Variants in ATRNL1 observed in about 807,000 individuals in gnomAD.
The protein encoded by ATRNL1 is attractin-like protein 1.
Under a neutral mutation model 182.7 loss-of-function variants are expected in ATRNL1, and 95 were observed. The observed-to-expected ratio is 0.52, with a 90% CI of 0.44 to 0.62. ATRNL1 has a LOEUF of 0.62. ATRNL1 is among the 20% of genes least tolerant of loss of function. ATRNL1 has a pLI of 0.00. For missense variants in ATRNL1, 1,471 were observed against 1,679.5 expected (o/e 0.88, Z 2.17); for synonymous variants, 576 against 568.3 (o/e 1.01, Z -0.19).
chr10:115,148,167 G>A (rs1846054164), intron 5 of ATRNL1, among the ~76,000 whole-genome samples: 2 of 152,008 alleles, frequency 1.3e-5, no homozygotes, highest in South Asian at 2.1e-4. Context: ...TTGTCCACAT[G>A]CTTGGTTAAA....
chr10:115,789,070 C>T (rs1949465053), intron 27 of ATRNL1, among the ~76,000 whole-genome samples: 1 of 152,190 alleles, frequency 6.6e-6, no homozygotes, highest in East Asian at 1.9e-4. Flanking sequence ...TCAACTGCAT[C>T]TGACCAGTTC....
At chr10:115,553,060 C>G (rs1853091907) in intron 26 of ATRNL1, among the ~76,000 whole-genome samples, 1 of 151,172 alleles carries the variant, frequency 6.6e-6, no homozygotes, top group South Asian at 2.1e-4. Flanking sequence ...GCTTGATAAT[C>G]TTCATTCTTA....
At chr10:115,602,382 T>A (rs1592930932) in intron 26 of ATRNL1, among the ~76,000 whole-genome samples, 1 of 152,160 alleles carries the variant, frequency 6.6e-6, no homozygotes, top group East Asian at 1.9e-4. Flanking sequence ...AAAGGAAAAC[T>A]GTTTCTTTAC....
chr10:115,847,896 C>T lies in ATRNL1; in HGVS notation c.3923C>T (p.Ala1308Val). ...GPLEGAPKPI[A>V]IEPCAGNRAA... Reference sequence around the variant, plus strand: ...TTTCAGGGGGCACCCAAGCCAATTGCCATTGAACCATGTGCTGGGAACAGA... The same window carrying T: ...TTTCAGGGGGCACCCAAGCCAATTGTCATTGAACCATGTGCTGGGAACAGA... The change falls in exon 28 of 29, where the codon GCC becomes GTC. Residue 1308 changes from alanine to valine, a missense_variant. Around this residue, in one of 3 missense-constraint regions of ATRNL1, gnomAD observed 437 missense variants for 506.0 expected, o/e 0.86. Coordinates refer to ENST00000355044, the MANE Select transcript of ATRNL1 (RefSeq NM_207303.4). 2 of 1,610,744 alleles carry T rather than the reference C, an allele frequency of 1.2e-6. No individual in the cohort carries two copies. The highest frequency in any genetic ancestry group is 1.7e-6 in the Non-Finnish European group (2 of 1,177,246).
At chr10:115,883,045 T>A (rs1425196770) in intron 28 of ATRNL1, among the ~76,000 whole-genome samples, 1 of 152,174 alleles carries the variant, frequency 6.6e-6, no homozygotes, top group Non-Finnish European at 1.5e-5. Flanking sequence ...CCAGTAGCTA[T>A]CCAAGCTGCG....
At chr10:115,682,549 C>T (rs556028484) in intron 26 of ATRNL1, among the ~76,000 whole-genome samples, 14 of 150,978 alleles carry the variant, frequency 9.3e-5, no homozygotes, top group South Asian at 4.2e-4. Context: ...TCAAACAAAA[C>T]GAACAAACAA....
At chr10:115,390,489 G>A (rs1396851401) in intron 19 of ATRNL1, among the ~76,000 whole-genome samples, 1 of 152,110 alleles carries the variant, frequency 6.6e-6, no homozygotes, top group African/African-American at 2.4e-5. Context: ...TCAGTAGATT[G>A]TCAGTGCTTG....
chr10:115,190,349 A>T (rs1037659019), intron 8 of ATRNL1, among the ~76,000 whole-genome samples: 3 of 152,140 alleles, frequency 2.0e-5, no homozygotes, highest in Non-Finnish European at 4.4e-5. Context: ...AATATTATAC[A>T]TATCCTTGAA....
At chr10:115,397,182 T>C (rs1007481271) in intron 20 of ATRNL1, among the ~76,000 whole-genome samples, 4 of 151,940 alleles carry the variant, frequency 2.6e-5, no homozygotes, top group Non-Finnish European at 4.4e-5. Context: ...CAGTAAACAA[T>C]TATTAAGTGA....
chr10:115,131,785 T>C (rs1470176498), intron 5 of ATRNL1, among the ~76,000 whole-genome samples: 1 of 152,228 alleles, frequency 6.6e-6, no homozygotes, highest in Non-Finnish European at 1.5e-5. Flanking sequence ...TTTTATCCTT[T>C]GTTGTTGCTT....
intron 19 of ATRNL1, among the ~76,000 whole-genome samples, chr10:115,368,181 C>T (rs1019688098): frequency 3.3e-5 from 5 of 152,220 alleles, no homozygotes; most frequent in East Asian, 1.9e-4. Flanking sequence ...AGCGAGACTC[C>T]GTGGGCGTAG....
At chr10:115,458,026 A>G (rs1247975637) in intron 21 of ATRNL1, among the ~76,000 whole-genome samples, 14 of 152,162 alleles carry the variant, frequency 9.2e-5, no homozygotes, top group Non-Finnish European at 1.9e-4. Flanking sequence ...ATAGTCAATC[A>G]TGTTGTAATT....
chr10:115,808,677 C>T lies in ATRNL1; in HGVS notation c.3904-39200C>T, dbSNP rs117601683. ...GCAAAATTTTCAGTTGCTCCACACA[C>T]CATTAATTCTTGAACTAGTCAGCAT... On this transcript the variant is annotated intron_variant, in intron 27 of 28. Coordinates refer to ENST00000355044, the MANE Select transcript of ATRNL1 (RefSeq NM_207303.4). Among the ~76,000 whole-genome samples the T allele has an allele frequency of 3.0e-4, 46 of 152,268 alleles. 2 individuals are homozygous for T. In the East Asian group the frequency reaches 4.2e-3, roughly 14 times the overall value.
At chr10:115,128,564 C>T (rs1299092774) in intron 4 of ATRNL1, 2 of 291,668 alleles carry the variant, frequency 6.9e-6, no homozygotes, top group African/African-American at 2.3e-5. Context: ...TGGTGGCTCA[C>T]GCCTGTAATC....
intron 26 of ATRNL1, among the ~76,000 whole-genome samples, chr10:115,584,739 T>G (rs1855396125): frequency 1.3e-5 from 2 of 152,204 alleles, no homozygotes; most frequent in African/African-American, 2.4e-5. Flanking sequence ...TTTTTGTGTC[T>G]CTATTTCCTT....
intron 20 of ATRNL1, among the ~76,000 whole-genome samples, chr10:115,397,130 G>GA (rs556763559): frequency 2.6e-5 from 4 of 151,578 alleles, no homozygotes; most frequent in Non-Finnish European, 4.4e-5. Flanking sequence ...GCTTATACCT[G>GA]AAAAAAATGG....
chr10:115,735,757 G>A, intron 27 of ATRNL1, among the ~76,000 whole-genome samples: 1 of 151,452 alleles, frequency 6.6e-6, no homozygotes, highest in Non-Finnish European at 1.5e-5. Context: ...GCTAGACAGA[G>A]ATAATTCGCA....
intron 21 of ATRNL1, among the ~76,000 whole-genome samples, chr10:115,432,254 C>G (rs1343207875): frequency 1.3e-5 from 2 of 152,012 alleles, no homozygotes; most frequent in Admixed American, 1.3e-4. Flanking sequence ...ATACTTACAT[C>G]ACATTTTAAT....
chr10:115,816,615 GACAC>G (rs35920402), intron 27 of ATRNL1, among the ~76,000 whole-genome samples: 106,622 of 150,142 alleles, frequency 0.71, 37,978 homozygotes, highest in East Asian at 0.79. Context: ...GACACACACA[GACAC>G]ACACACACAC....
Sources: gnomAD v4.1 joint callset for allele counts (sites outside exome capture counted in the v4.1 genomes callset) on GRCh38, gnomAD v4.1.1 for gene constraint, gnomAD v4.1.1 regional missense constraint, MANE v1.5 for transcripts, NCBI Gene and HGNC (gene_info 2026-07-23, HGNC 2026-07-21) for gene names.